The following SEC14L5 variants were observed in gnomAD, a reference collection of about 807,000 sequenced individuals.
SEC14L5 encodes SEC14 like lipid binding 5, also known as SEC14-like protein 5.
Under a neutral mutation model 84.6 loss-of-function variants are expected in SEC14L5, and 96 were observed. The ratio of observed to expected loss-of-function variants is 1.13; its 90% CI spans 0.96 to 1.34. SEC14L5 has a LOEUF of 1.34. Ranked by LOEUF, SEC14L5 falls within the 40% of genes most tolerant of loss-of-function variation. SEC14L5 has a pLI of 0.00. For synonymous variants in SEC14L5, 546 were observed against 383.4 expected (o/e 1.42, Z -4.95); for missense variants, 1,224 against 942.5 (o/e 1.30, Z -3.91).
rs188454456 is a variant in SEC14L5, at chr16:5,016,422, C to T, written c.*1452C>T. 1.3e-5 allele frequency: 2 copies of T among 152,258 alleles called. No homozygotes were observed. Among genetic ancestry groups the T allele is most frequent in the East Asian group, 3.9e-4 (2 of 5,182 alleles). The allele number at this position is 152,258 out of a possible 1,614,324, so 9.4% of individuals were successfully genotyped here. On this transcript the variant is annotated 3_prime_UTR_variant, in exon 16 of 16. Coordinates refer to ENST00000251170, the MANE Select transcript of SEC14L5 (RefSeq NM_014692.2). Reference sequence around the variant, plus strand: ...CATCGAAATCAGGATTTCTGGCTTCCCTTAGGCATTTGGGAGCACCAGCAG... The same window carrying T: ...CATCGAAATCAGGATTTCTGGCTTCTCTTAGGCATTTGGGAGCACCAGCAG...
chr16:4,990,697 G>A (rs921658185), intron 4 of SEC14L5, 70 bp from the exon 5 acceptor site: 57 of 1,466,048 alleles, frequency 3.9e-5, no homozygotes, highest in Non-Finnish European at 4.7e-5. Context: ...CAGGTCAGTG[G>A]GAGAGCCCTA....
intron 14 of SEC14L5, among the ~76,000 whole-genome samples, chr16:5,010,418 A>G (rs1180689853): frequency 1.3e-5 from 2 of 152,270 alleles, no homozygotes; most frequent in African/African-American, 4.8e-5. Flanking sequence ...TGTAACTGGA[A>G]TATGAGCTGC....
At chr16:4,994,154 G>T (rs1246430828) in intron 6 of SEC14L5, among the ~76,000 whole-genome samples, 1 of 152,004 alleles carries the variant, frequency 6.6e-6, no homozygotes, top group Non-Finnish European at 1.5e-5. Context: ...AAAATCCTAG[G>T]ATACAAATTG....
chr16:4,970,372 A>C (rs538922508), intron 2 of SEC14L5, among the ~76,000 whole-genome samples: 2 of 152,118 alleles, frequency 1.3e-5, no homozygotes, highest in Non-Finnish European at 2.9e-5. Context: ...ATGGGGCAGA[A>C]CTTGTCTCTC....
intron 8 of SEC14L5, among the ~76,000 whole-genome samples, chr16:4,999,437 C>A (rs371831625): frequency 2.0e-5 from 3 of 151,430 alleles, no homozygotes; most frequent in South Asian, 2.1e-4. Context: ...AGCTCGCCCC[C>A]CTCCACCACA....
chr16:5,003,484 ATTGAGGTGG>A lies in SEC14L5; in HGVS notation c.1220_1228del (p.Val407_Glu409del). ...GGGGGTGAAGGCCCTGCTGCGGATG[ATTGAGGTGG>A]TTGAGGACAATTACCCAGAGACCCT... On this transcript the variant is annotated inframe_deletion, in exon 11 of 16. Transcript: ENST00000251170. The A allele has an allele frequency of 1.2e-6, 2 of 1,613,052 alleles. No homozygotes were observed. Among genetic ancestry groups the A allele is most frequent in the Non-Finnish European group, 1.7e-6 (2 of 1,179,570 alleles).
intron 8 of SEC14L5, among the ~76,000 whole-genome samples, chr16:4,998,891 C>G (rs974660197): frequency 6.6e-6 from 1 of 152,072 alleles, no homozygotes; most frequent in Non-Finnish European, 1.5e-5. Context: ...CCCCTTATTG[C>G]TGAAATTTAC....
intron 4 of SEC14L5, among the ~76,000 whole-genome samples, chr16:4,989,538 G>A (rs950792567): frequency 3.9e-5 from 6 of 151,970 alleles, no homozygotes; most frequent in African/African-American, 1.2e-4. Context: ...GTAGAGATAG[G>A]GTTTCTCCAT....
At chr16:4,967,522 C>G (rs1344610098) in intron 2 of SEC14L5, among the ~76,000 whole-genome samples, 1 of 150,482 alleles carries the variant, frequency 6.6e-6, no homozygotes, top group East Asian at 1.9e-4. Flanking sequence ...GAGCTCACAG[C>G]CAGACTTTCC....
intron 2 of SEC14L5, among the ~76,000 whole-genome samples, chr16:4,974,523 G>C (rs1294096376): frequency 1.3e-5 from 2 of 151,750 alleles, no homozygotes; most frequent in African/African-American, 2.4e-5. Context: ...ACTTAAAAAG[G>C]GTGGGCTATA....
intron 10 of SEC14L5, among the ~76,000 whole-genome samples, chr16:5,002,565 C>T (rs1955688584): frequency 6.6e-6 from 1 of 152,102 alleles, no homozygotes. Flanking sequence ...GGGAATCAAT[C>T]CATTAGTGTC....
intron 2 of SEC14L5, among the ~76,000 whole-genome samples, chr16:4,986,143 T>TTC (rs1469002934): frequency 7.7e-6 from 1 of 130,650 alleles, no homozygotes; most frequent in Non-Finnish European, 1.7e-5. Flanking sequence ...CTTCTTCTTC[T>TTC]TTTTTTTTTT....
chr16:4,964,299 A>G (rs1223693057), intron 2 of SEC14L5, among the ~76,000 whole-genome samples: 1 of 152,078 alleles, frequency 6.6e-6, no homozygotes, highest in Non-Finnish European at 1.5e-5. Context: ...TGGGTGGTAA[A>G]GAACCAGGGC....
chr16:4,970,561 G>GCT (rs1489958364), intron 2 of SEC14L5, among the ~76,000 whole-genome samples: 1 of 152,160 alleles, frequency 6.6e-6, no homozygotes, highest in African/African-American at 2.4e-5. Flanking sequence ...ATGTCAAGCT[G>GCT]CTCTAGGCTG....
At chr16:5,001,074 A>G in intron 10 of SEC14L5, 149 bp downstream of exon 10, 3 of 647,814 alleles carry the variant, frequency 4.6e-6, no homozygotes, top group Non-Finnish European at 8.2e-6. Flanking sequence ...GCCTTGAGGC[A>G]GGGCCCGTAA....
In SEC14L5 at chr16:4,980,013, C is replaced by A. The variant is rs536631100; in HGVS notation, c.64-7544C>A. Among the ~76,000 whole-genome samples, 3 of 152,200 alleles carry A rather than the reference C, an allele frequency of 2.0e-5. No individual in the cohort carries two copies. The East Asian group carries it at 5.8e-4, about 29-fold the overall frequency. On this transcript the variant is annotated intron_variant, in intron 2 of 15. Transcript: ENST00000251170. Reference sequence around the variant, plus strand: ...GATTCTGAGGCAGGACACAGTGATTCAGGGTTGTCGTCTGGGTCAGACAGG... The same window carrying A: ...GATTCTGAGGCAGGACACAGTGATTAAGGGTTGTCGTCTGGGTCAGACAGG...
At chr16:4,969,396 T>C (rs920654460) in intron 2 of SEC14L5, among the ~76,000 whole-genome samples, 1 of 152,192 alleles carries the variant, frequency 6.6e-6, no homozygotes. Flanking sequence ...CTTTCTTTTT[T>C]TTTTTTGAGA....
Position 5,017,789 on chromosome 16 carries a change from G to A in SEC14L5, c.*2819G>A, listed in dbSNP as rs1335187472. 1 of 148,622 alleles carries A rather than the reference G, an allele frequency of 6.7e-6. No homozygotes were observed. Among genetic ancestry groups the A allele is most frequent in the East Asian group, 2.0e-4 (1 of 4,960 alleles). 9.2% of individuals were successfully genotyped at this position (148,622 alleles called of 1,614,324 possible). ...GGAGGTCTCGGGGACCCACGTGGAA[G>A]CATTATCAAGGTCATTCTTCTTGCC... On this transcript the variant is annotated 3_prime_UTR_variant, in exon 16 of 16. Transcript: ENST00000251170.
Position 4,976,623 on chromosome 16 carries a change from A to G in SEC14L5, c.64-10934A>G, listed in dbSNP as rs1364562034. On this transcript the variant is annotated intron_variant, in intron 2 of 15. Transcript: ENST00000251170. ...CTCCAGCCTCCCATCTCCAGATGCT[A>G]ATTGTGTCAATATGGATTTTCCAGG... Among the ~76,000 whole-genome samples the G allele has an allele frequency of 3.9e-5, 6 of 152,178 alleles. No homozygotes were observed. The East Asian group carries it at 1.2e-3, about 29-fold the overall frequency.
Sources: allele counts gnomAD v4.1 joint callset (sites outside exome capture counted in the v4.1 genomes callset), GRCh38; gene constraint gnomAD v4.1.1; transcripts MANE v1.5; gene names NCBI Gene and HGNC (gene_info 2026-07-23, HGNC 2026-07-21).